The following FBH1 variants were observed in gnomAD, a reference collection of about 807,000 sequenced individuals.
FBH1 encodes the protein DNA 3'-5' helicase 1.
A neutral mutation model predicts 115.5 loss-of-function variants in FBH1; 43 were observed. The observed-to-expected ratio is 0.37, with a 90% confidence interval of 0.29 to 0.48. FBH1 has a LOEUF of 0.48. Ranked by LOEUF, FBH1 falls within the 20% of genes least tolerant of loss-of-function variation. FBH1 has a pLI of 0.99. For synonymous variants in FBH1, 524 were observed against 507.8 expected (o/e 1.03, Z -0.43); for missense variants, 1,001 against 1,337.3 (o/e 0.75, Z 3.92).
intron 18 of FBH1, among the ~76,000 whole-genome samples, chr10:5,926,901 A>G (rs7923484): frequency 0.015 from 2,335 of 152,358 alleles, 54 homozygotes; most frequent in African/African-American, 0.052. Flanking sequence ...TGAACAGCAC[A>G]GACACACAGC....
Position 5,917,793 on chromosome 10 carries a change from A to T in FBH1, c.1963+117A>T. On this transcript the variant is annotated intron_variant, in intron 12 of 20. Coordinates refer to ENST00000362091, the MANE Select transcript of FBH1 (RefSeq NM_178150.3). The surrounding 1 kb of genome is among the most constrained non-coding windows in gnomAD (Gnocchi z 5.6). The stretch of plus-strand genomic sequence containing the variant: ...ATTATTATTTGTGATAAAGAAGAGG[A>T]TCTTCATACTTACCTTAGGATTTCA... 1.2e-6 allele frequency: 1 copy of T among 830,564 alleles called. No homozygotes were observed. The highest frequency in any genetic ancestry group is 1.7e-5 in the African/African-American group (1 of 58,978). The allele number at this position is 830,564 out of a possible 1,614,324, so 51.4% of individuals were successfully genotyped here.
At position 5,906,654 on chromosome 10, in the gene FBH1, G is replaced by A; in HGVS notation, c.753+22G>A. ...GCTGGTGAGTGAGTGCTGGAGTCGG[G>A]AGATGTTTCCTCTAAAAGCACGTAA... is the stretch of plus-strand genomic sequence containing the variant. On this transcript the variant is annotated intron_variant, in intron 3 of 20. Transcript: ENST00000362091. This position sits in a 1 kb window ranked among gnomAD's most constrained non-coding sequence, Gnocchi z 7.3. 6.4e-7 allele frequency: 1 copy of A among 1,565,476 alleles called. No homozygotes were observed. Among genetic ancestry groups the A allele is most frequent in the Non-Finnish European group, 8.7e-7 (1 of 1,152,122 alleles).
chr10:5,926,849 GC>G (rs1186420656), intron 18 of FBH1, among the ~76,000 whole-genome samples: 1 of 152,224 alleles, frequency 6.6e-6, no homozygotes, highest in Non-Finnish European at 1.5e-5. Context: ...TTGAGTTCCT[GC>G]CATTGTGTAG....
In FBH1 at chr10:5,923,752, G is replaced by A. The variant is rs1029417832; in HGVS notation, c.2398+56G>A. The A allele has an allele frequency of 1.5e-5, 22 of 1,508,340 alleles. No individual in the cohort carries two copies. The highest frequency in any genetic ancestry group is 9.7e-5 in the African/African-American group (7 of 72,324). 93.4% of individuals were successfully genotyped at this position (1,508,340 alleles called of 1,614,324 possible). On this transcript the variant is annotated intron_variant, in intron 16 of 20. Coordinates refer to ENST00000362091, the MANE Select transcript of FBH1 (RefSeq NM_178150.3). The surrounding 1 kb of genome is among the most constrained non-coding windows in gnomAD (Gnocchi z 5.7). ...AAGGACGCACCCAAGTGACAGGGAC[G>A]AGAAAGAAGCAGGCCCAGTCTGAGT...
rs1370054585 is a variant in FBH1 at position 5,911,749 on chromosome 10, T to C, written c.1211+621T>C. On this transcript the variant is annotated intron_variant, in intron 6 of 20. Transcript: ENST00000362091. This position sits in a 1 kb window ranked among gnomAD's most constrained non-coding sequence, Gnocchi z 5.4. ...GTCCTATGTAAGTAAATGTGTGAAA[T>C]GGCATTTTAGTGAGTAATGAGCATT... Among the ~76,000 whole-genome samples, 1 of 152,124 alleles carries C rather than the reference T, an allele frequency of 6.6e-6. No individual in the cohort carries two copies. Among genetic ancestry groups the C allele is most frequent in the Non-Finnish European group, 1.5e-5 (1 of 68,020 alleles).
Position 5,915,215 on chromosome 10 carries a change from AG to A in FBH1, c.1397-187del, listed in dbSNP as rs1831851904. On this transcript the variant is annotated intron_variant, in intron 8 of 20. Coordinates refer to ENST00000362091, the MANE Select transcript of FBH1 (RefSeq NM_178150.3). The surrounding 1 kb of genome is among the most constrained non-coding windows in gnomAD (Gnocchi z 5.2). ...TGGAGCCTGCCCCAGCTGAGATCCCAGCCCACCTTCACCTGGCTTTGAATCT... is the reference window on the plus strand; with the variant it reads ...TGGAGCCTGCCCCAGCTGAGATCCCACCCACCTTCACCTGGCTTTGAATCT... Among the ~76,000 whole-genome samples the A allele has an allele frequency of 1.3e-5, 2 of 152,166 alleles. No homozygotes were observed. Among genetic ancestry groups the A allele is most frequent in the Non-Finnish European group, 2.9e-5 (2 of 68,018 alleles).
upstream of FBH1, chr10:5,890,138 C>A: frequency 3.1e-6 from 1 of 325,752 alleles, no homozygotes; most frequent in South Asian, 1.5e-4. Context: ...TCTCGCGTCC[C>A]GATTGGTCGC....
rs545994058 is a variant in FBH1 at position 5,909,273 on chromosome 10, C to T, written c.999C>T (p.Pro333=). ...AGGCGTGTGTGCGGCAACACCTCCC[C>T]GACCTCTACGCTGCTGCCGGGGTAG... is the stretch of plus-strand genomic sequence containing the variant. ...EAEACVRQHL[P]DLYAAAGGVN... Residue 333 remains proline (P), a synonymous_variant, in exon 5 of 21, where the codon CCC becomes CCT. Transcript: ENST00000362091. The surrounding 1 kb of genome is among the most constrained non-coding windows in gnomAD (Gnocchi z 4.4). The T allele has an allele frequency of 2.1e-5, 34 of 1,611,120 alleles. No individual in the cohort carries two copies. The highest frequency in any genetic ancestry group is 1.2e-4 in the Admixed American group (7 of 60,026).
Position 5,906,319 on chromosome 10 carries a change from C to T in FBH1, c.440C>T (p.Ala147Val). The T allele has an allele frequency of 6.2e-7, 1 of 1,614,218 alleles. No homozygotes were observed. Among genetic ancestry groups the T allele is most frequent in the Non-Finnish European group, 8.5e-7 (1 of 1,180,026 alleles). ...TSRWDGVSKK[A>V]PRHHLSVPCT... ...CGGTGGGATGGAGTTTCTAAGAAAG[C>T]TCCACGGCACCATTTGTCTGTGCCA... The change falls in exon 3 of 21, where the codon GCT becomes GTT. Residue 147 changes from alanine (A) to valine (V), a missense_variant. By Grantham distance (64) the Ala-to-Val change is moderately conservative. Coordinates refer to ENST00000362091, the MANE Select transcript of FBH1 (RefSeq NM_178150.3). The surrounding 1 kb of genome is among the most constrained non-coding windows in gnomAD (Gnocchi z 7.3).
In FBH1 at chr10:5,923,518, C is replaced by A; in HGVS notation, c.2323-103C>A. 1.1e-6 allele frequency: 1 copy of A among 885,622 alleles called. No homozygotes were observed. The highest frequency in any genetic ancestry group is 1.8e-6 in the Non-Finnish European group (1 of 570,090). The allele number at this position is 885,622 out of a possible 1,614,324, so 54.9% of individuals were successfully genotyped here. On this transcript the variant is annotated intron_variant, in intron 15 of 20. Transcript: ENST00000362091. The surrounding 1 kb of genome is among the most constrained non-coding windows in gnomAD (Gnocchi z 5.7). ...CCAAGAAACCATCTCATTTCAAAACCCCATCCCTGCATTTGCTTTATTTTG... is the reference window on the plus strand; with the variant it reads ...CCAAGAAACCATCTCATTTCAAAACACCATCCCTGCATTTGCTTTATTTTG...
rs1351170130 is a variant in FBH1, at chr10:5,897,740, T to C, written c.2-5280T>C. Among the ~76,000 whole-genome samples the C allele has an allele frequency of 6.6e-6, 1 of 152,126 alleles. No homozygotes were observed. Among genetic ancestry groups the C allele is most frequent in the Non-Finnish European group, 1.5e-5 (1 of 68,018 alleles). On this transcript the variant is annotated intron_variant, in intron 1 of 20. Coordinates refer to ENST00000362091, the MANE Select transcript of FBH1 (RefSeq NM_178150.3). The surrounding 1 kb of genome is among the most constrained non-coding windows in gnomAD (Gnocchi z 4.7). Reference sequence around the variant, plus strand: ...CAGGGTGGCTTCATGCCAGAACATATTGGAATATACCGGGACTCCCTTGAA... The same window carrying C: ...CAGGGTGGCTTCATGCCAGAACATACTGGAATATACCGGGACTCCCTTGAA...
chr10:5,909,472 A>C lies in FBH1; in HGVS notation c.1020+178A>C. 1.5e-6 allele frequency: 1 copy of C among 686,942 alleles called. No individual in the cohort carries two copies. The allele number at this position is 686,942 out of a possible 1,614,324, so 42.6% of individuals were successfully genotyped here. Reference sequence around the variant, plus strand: ...CCAGTGGAGAAATAAAAGGCCATATAATTGTAGAGTCTTAGATGTAGATGA... The same window carrying C: ...CCAGTGGAGAAATAAAAGGCCATATCATTGTAGAGTCTTAGATGTAGATGA... On this transcript the variant is annotated intron_variant, in intron 5 of 20. Coordinates refer to ENST00000362091, the MANE Select transcript of FBH1 (RefSeq NM_178150.3). The surrounding 1 kb of genome is among the most constrained non-coding windows in gnomAD (Gnocchi z 4.4).
chr10:5,894,450 G>C lies in FBH1; in HGVS notation c.1+4104G>C, dbSNP rs150637959. 379 of 1,533,588 alleles carry C rather than the reference G, an allele frequency of 2.5e-4. 1 individual carries two copies. The East Asian group carries it at 8.1e-3, about 33-fold the overall frequency. 95.0% of individuals were successfully genotyped at this position (1,533,588 alleles called of 1,614,324 possible). A position where few individuals can be genotyped will look rare whatever the true frequency, so the allele number is the denominator to read the frequency against. The stretch of plus-strand genomic sequence containing the variant: ...CAGTAGGAAGTGCACTGGACTAGGG[G>C]AGTCAGGAGACCCGGGTTCTTGTGT... On this transcript the variant is annotated intron_variant, in intron 1 of 20. Transcript: ENST00000362091.
Position 5,918,351 on chromosome 10 carries a change from A to T in FBH1, c.1973A>T (p.Asn658Ile). 6.2e-7 allele frequency: 1 copy of T among 1,612,866 alleles called. No individual in the cohort carries two copies. The highest frequency in any genetic ancestry group is 8.5e-7 in the Non-Finnish European group (1 of 1,179,734). The part of the protein sequence containing the change: ...EAQDCTPAIM[N>I]IVLSQPCGKI... ...CTCTCGTTGGTTACAGCTATCATGA[A>T]CATAGTTCTGTCTCAGCCATGTGGG... is the stretch of plus-strand genomic sequence containing the variant. The change falls in exon 13 of 21, where the codon AAC (asparagine) becomes ATC (isoleucine). Residue 658 changes from asparagine (N) to isoleucine (I), a missense_variant. Transcript: ENST00000362091. This position sits in a 1 kb window ranked among gnomAD's most constrained non-coding sequence, Gnocchi z 4.0.
Position 5,936,339 on chromosome 10 carries a change from C to A in FBH1, c.2830-117C>A. ...GGAGAACGGGTTAGGCGGGGTTTTT[C>A]TCTCTGGGACTTACAGTGCATCTAA... On this transcript the variant is annotated intron_variant, in intron 19 of 20. Transcript: ENST00000362091. The surrounding 1 kb of genome is among the most constrained non-coding windows in gnomAD (Gnocchi z 5.6). 8.1e-7 allele frequency: 1 copy of A among 1,233,782 alleles called. No homozygotes were observed. The highest frequency in any genetic ancestry group is 1.1e-6 in the Non-Finnish European group (1 of 885,502). The allele number at this position is 1,233,782 out of a possible 1,614,324, so 76.4% of individuals were successfully genotyped here.
chr10:5,927,629 C>T (rs1346968875), intron 19 of FBH1, 88 bp downstream of exon 19: 2 of 979,060 alleles, frequency 2.0e-6, no homozygotes, highest in East Asian at 2.5e-5. Context: ...CTTCAGAGGC[C>T]TTCGGATCAA....
At chr10:5,907,807 G>C (rs1468539866) in intron 3 of FBH1, among the ~76,000 whole-genome samples, 2 of 152,146 alleles carry the variant, frequency 1.3e-5, no homozygotes, top group Non-Finnish European at 2.9e-5. Flanking sequence ...TATATTTGTG[G>C]ATTTTTCAGT....
At position 5,911,067 on chromosome 10, in the gene FBH1, C is replaced by T; in HGVS notation, c.1150C>T (p.Leu384=). 6.2e-7 allele frequency: 1 copy of T among 1,613,598 alleles called. No homozygotes were observed. The highest frequency in any genetic ancestry group is 8.5e-7 in the Non-Finnish European group (1 of 1,180,034). ...GACCATGCCAGATGTCACCGAGACC[C>T]TGTACTGCATAGCCGTGCTTCTCTA... ...TVTMPDVTET[L]YCIAVLLYAM... Residue 384 remains leucine, a synonymous_variant, in exon 6 of 21, where the codon CTG becomes TTG. Transcript: ENST00000362091. This position sits in a 1 kb window ranked among gnomAD's most constrained non-coding sequence, Gnocchi z 5.4.
chr10:5,909,039 G>A lies in FBH1; in HGVS notation c.868G>A (p.Val290Met). 3.7e-6 allele frequency: 6 copies of A among 1,614,188 alleles called. No homozygotes were observed. Among genetic ancestry groups the A allele is most frequent in the Non-Finnish European group, 5.1e-6 (6 of 1,180,046 alleles). ...CATAGAAAAGGAGTCAGACCTGTGT[G>A]TGCTGAACCTCATACGGTGAGCTTT... The part of the protein sequence containing the change: ...CGIEKESDLC[V>M]LNLIRYTATT... Residue 290 changes from valine to methionine, a missense_variant, in exon 4 of 21, where the codon GTG becomes ATG. Transcript: ENST00000362091. The surrounding 1 kb of genome is among the most constrained non-coding windows in gnomAD (Gnocchi z 4.4).
Sources: allele counts gnomAD v4.1 joint callset (sites outside exome capture counted in the v4.1 genomes callset), GRCh38; gene constraint gnomAD v4.1.1; non-coding constraint Gnocchi (gnomAD v3.1); transcripts MANE v1.5; gene names NCBI Gene and HGNC (gene_info 2026-07-23, HGNC 2026-07-21).